Variants in ATP2C1 observed in about 807,000 individuals in gnomAD.
The protein encoded by ATP2C1 is calcium-transporting ATPase type 2C member 1.
In ATP2C1, 31 loss-of-function variants were observed where a neutral mutation model predicts 120.5. The observed-to-expected ratio is 0.26, with a 90% confidence interval of 0.19 to 0.35. The LOEUF is 0.35. Among genes scored for constraint, ATP2C1 ranks in the 10% least tolerant of loss-of-function variants. ATP2C1 has a pLI of 1.00. For missense variants in ATP2C1, 731 were observed against 1,107.5 expected, an observed-to-expected ratio of 0.66 and a Z score of 4.83; for synonymous variants, 351 against 358.7, an observed-to-expected ratio of 0.98 and a Z score of 0.24.
intron 1 of ATP2C1, among the ~76,000 whole-genome samples, chr3:130,888,182 T>G (rs918233431): frequency 1.3e-5 from 2 of 152,204 alleles, no homozygotes; most frequent in African/African-American, 4.8e-5. Flanking sequence ...CATATCCTAC[T>G]GTGACTGAGC....
At chr3:130,918,797 C>T in intron 2 of ATP2C1, 1 of 360,064 alleles carries the variant, frequency 2.8e-6, no homozygotes, top group South Asian at 2.3e-5. Flanking sequence ...CGAGACCATC[C>T]TGGCTAACAT....
At chr3:130,941,507 A>G (rs991491047) in intron 7 of ATP2C1, 84 bp from the exon 8 acceptor site, 1 of 1,120,088 alleles carries the variant, frequency 8.9e-7, no homozygotes, top group Non-Finnish European at 1.3e-6. Context: ...TTTTCCTCAG[A>G]CAAGCCTACT....
chr3:131,006,507 G>A (rs1415182183), downstream of ATP2C1, among the ~76,000 whole-genome samples: 1 of 152,036 alleles, frequency 6.6e-6, no homozygotes, highest in East Asian at 1.9e-4. Flanking sequence ...AGATCATTTT[G>A]GACAGTGTTA....
intron 2 of ATP2C1, among the ~76,000 whole-genome samples, chr3:130,921,840 T>A (rs1029295931): frequency 1.3e-5 from 2 of 152,214 alleles, no homozygotes. Context: ...ATTACCTTTT[T>A]GATAGGCTGT....
chr3:130,967,394 G>A lies in ATP2C1; in HGVS notation c.1283G>A (p.Gly428Glu), dbSNP rs1208167755. The change falls in exon 16 of 28, where the codon GGG (glycine) becomes GAG (glutamate). Residue 428 changes from glycine (G) to glutamate (E), a missense_variant. By Grantham distance (98) the Gly-to-Glu change is moderately conservative (BLOSUM62 -2). Transcript: ENST00000510168. ...ACTCTAATGGGGAAGCCAACAGAAGGGGCCTTAATTGCTCTTGCAATGAAG... is the reference window on the plus strand; with the variant it reads ...ACTCTAATGGGGAAGCCAACAGAAGAGGCCTTAATTGCTCTTGCAATGAAG... ...NNTLMGKPTE[G>E]ALIALAMKMG... 4 of 1,613,644 alleles carry A rather than the reference G, an allele frequency of 2.5e-6. No individual in the cohort carries two copies. The South Asian group carries it at 4.4e-5, about 18-fold the overall frequency.
chr3:130,993,122 G>GTTTTT, intron 21 of ATP2C1, 121 bp downstream of exon 21: 1 of 622,058 alleles, frequency 1.6e-6, no homozygotes, highest in Non-Finnish European at 2.7e-6. Flanking sequence ...AAGCAAAACA[G>GTTTTT]TTTTTTTTTT....
intron 1 of ATP2C1, among the ~76,000 whole-genome samples, chr3:130,874,257 GA>G (rs2068529323): frequency 6.6e-6 from 1 of 152,086 alleles, no homozygotes; most frequent in Non-Finnish European, 1.5e-5. Flanking sequence ...TATTTCTAAT[GA>G]GTGATAAGGA....
chr3:130,964,911 G>T, intron 13 of ATP2C1, 37 bp from the exon 14 acceptor site: 1 of 1,484,566 alleles, frequency 6.7e-7, no homozygotes, highest in Non-Finnish European at 9.4e-7. Flanking sequence ...ATTTCTCCTT[G>T]ATTCTTTTGG....
intron 9 of ATP2C1, among the ~76,000 whole-genome samples, chr3:130,954,494 GT>G (rs887884908): frequency 3.3e-5 from 5 of 151,256 alleles, no homozygotes; most frequent in African/African-American, 9.7e-5. Flanking sequence ...TCTGCTATAC[GT>G]TTTTTTTTGA....
At chr3:130,907,079 T>TACACAC (rs55687116) in intron 2 of ATP2C1, among the ~76,000 whole-genome samples, 114 of 149,952 alleles carry the variant, frequency 7.6e-4, no homozygotes, top group African/African-American at 2.7e-3. Context: ...TATATGTGTG[T>TACACAC]ACACACACAC....
At chr3:130,903,830 C>T (rs1022865351) in intron 2 of ATP2C1, among the ~76,000 whole-genome samples, 7 of 151,814 alleles carry the variant, frequency 4.6e-5, no homozygotes, top group East Asian at 1.9e-4. Context: ...ACAAAATGGA[C>T]GGGTTTAAAA....
intron 2 of ATP2C1, among the ~76,000 whole-genome samples, chr3:130,921,325 GC>G (rs1278779219): frequency 6.6e-6 from 1 of 152,012 alleles, no homozygotes; most frequent in African/African-American, 2.4e-5. Flanking sequence ...CAAGTGATCC[GC>G]CCACCTCGGC....
chr3:130,908,372 C>T (rs1333047917), intron 2 of ATP2C1, among the ~76,000 whole-genome samples: 2 of 151,768 alleles, frequency 1.3e-5, no homozygotes, highest in South Asian at 2.1e-4. Context: ...GCCCTGTGAG[C>T]CACTGAAAAG....
At chr3:130,889,174 G>C (rs993289477), upstream of ATP2C1, among the ~76,000 whole-genome samples, 2 of 152,094 alleles carry the variant, frequency 1.3e-5, no homozygotes, top group African/African-American at 4.8e-5. Flanking sequence ...ATTTAGACAC[G>C]CCAATTAACC....
At chr3:130,981,950 T>C (rs1178098874) in intron 20 of ATP2C1, among the ~76,000 whole-genome samples, 1 of 152,214 alleles carries the variant, frequency 6.6e-6, no homozygotes, top group African/African-American at 2.4e-5. Flanking sequence ...TACAAGTCCT[T>C]TATTAGATAT....
chr3:130,945,634 T>G (rs994979375), intron 8 of ATP2C1, among the ~76,000 whole-genome samples: 1 of 151,602 alleles, frequency 6.6e-6, no homozygotes, highest in African/African-American at 2.4e-5. Context: ...TGGGTCCTTG[T>G]GATAGTTTGC....
chr3:130,861,148 A>G (rs1428754635), intron 1 of ATP2C1, among the ~76,000 whole-genome samples: 2 of 152,158 alleles, frequency 1.3e-5, no homozygotes, highest in African/African-American at 2.4e-5. Context: ...ATGCACCTGT[A>G]GTCCTAGTTA....
At chr3:130,888,919 G>A (rs752119079) in intron 1 of ATP2C1, among the ~76,000 whole-genome samples, 1 of 152,086 alleles carries the variant, frequency 6.6e-6, no homozygotes, top group East Asian at 1.9e-4. Flanking sequence ...CTTCTATTCC[G>A]CCATCTTGCT....
chr3:130,876,263 A>G (rs2107794841), intron 1 of ATP2C1, among the ~76,000 whole-genome samples: 1 of 152,176 alleles, frequency 6.6e-6, no homozygotes, highest in Admixed American at 6.5e-5. Flanking sequence ...TTTGTGTCTT[A>G]CATTTAATTA....
Sources: allele counts gnomAD v4.1 joint callset (sites outside exome capture counted in the v4.1 genomes callset), GRCh38; gene constraint gnomAD v4.1.1; transcripts MANE v1.5; gene names NCBI Gene and HGNC (gene_info 2026-07-23, HGNC 2026-07-21).